Variants in MSN observed in about 807,000 individuals in gnomAD.
MSN encodes the protein moesin, also known as epididymis luminal protein 70.
Under a neutral mutation model 48.0 loss-of-function variants are expected in MSN, and 2 were observed. The ratio of observed to expected loss-of-function variants is 0.04; its 90% CI spans 0.02 to 0.13. MSN has a LOEUF of 0.13. MSN is among the 10% of genes least tolerant of loss of function. The pLI is 1.00. For synonymous variants in MSN, 146 were observed against 166.9 expected (o/e 0.87, Z 0.97); for missense variants, 267 against 470.1 (o/e 0.57, Z 3.99).
At chrX:65,681,380 G>A (rs762918350) in intron 1 of MSN, among the ~76,000 whole-genome samples, 1 of 112,081 alleles carries the variant, frequency 8.9e-6, no homozygotes, top group African/African-American at 3.2e-5. Context: ...CCAGGTGGAG[G>A]TGGTTAGGAA....
chrX:65,613,839 A>G (rs888021193), intron 1 of MSN, among the ~76,000 whole-genome samples: 1 of 111,783 alleles, frequency 8.9e-6, no homozygotes, highest in Non-Finnish European at 1.9e-5. Flanking sequence ...CACTCTGATG[A>G]TAGTTTCTTT....
chrX:65,726,586 AGT>A (rs1378075346), intron 2 of MSN, among the ~76,000 whole-genome samples: 1 of 110,493 alleles, frequency 9.1e-6, no homozygotes, highest in Non-Finnish European at 1.9e-5. Context: ...ATACAGTGTT[AGT>A]GTGTGTATGT....
intron 4 of MSN, 27 bp downstream of exon 4, chrX:65,729,739 C>T (rs1602863231): frequency 8.3e-7 from 1 of 1,198,085 alleles, no homozygotes; most frequent in Non-Finnish European, 1.1e-6. Context: ...CCCTCCTTTG[C>T]CTTGGCCATA....
chrX:65,642,455 A>G (rs945503249), intron 1 of MSN, among the ~76,000 whole-genome samples: 1 of 109,804 alleles, frequency 9.1e-6, no homozygotes, highest in Non-Finnish European at 1.9e-5. Context: ...AGAGTCCGCC[A>G]GGGTCCAGGT....
intron 11 of MSN, 118 bp downstream of exon 11, chrX:65,738,735 C>A: frequency 2.8e-6 from 2 of 710,119 alleles, no homozygotes; most frequent in Non-Finnish European, 2.1e-6. Context: ...CCACAGCAGG[C>A]AGCATGGGAG....
chrX:65,641,065 C>T (rs1349664983), intron 1 of MSN, among the ~76,000 whole-genome samples: 3 of 109,815 alleles, frequency 2.7e-5, no homozygotes, highest in Non-Finnish European at 5.7e-5. Context: ...GCCAAGGTCG[C>T]GCCATTGCAC....
chrX:65,635,559 A>G (rs748175017), intron 1 of MSN, among the ~76,000 whole-genome samples: 1 of 112,026 alleles, frequency 8.9e-6, no homozygotes, highest in African/African-American at 3.2e-5. Flanking sequence ...ATGCAGTCCC[A>G]GCCCTACACT....
intron 1 of MSN, among the ~76,000 whole-genome samples, chrX:65,713,979 T>G (rs1015591873): frequency 9.0e-6 from 1 of 111,602 alleles, no homozygotes; most frequent in African/African-American, 3.3e-5. Context: ...GGGGTTTCGC[T>G]ATATTGTCCA....
In MSN at chrX:65,646,148, T is replaced by G. The variant is rs1317835786; in HGVS notation, c.-22+57536T>G. 2.7e-5 allele frequency among the ~76,000 whole-genome samples: 3 copies of G among 112,046 alleles called. 1 individual carries two copies. The Admixed American group carries it at 2.9e-4, about 11-fold the overall frequency. On this transcript the variant is annotated intron_variant, in intron 1 of 3. Coordinates refer to the MSN transcript ENST00000609672. ...TCCATAACTGAAGCATGAGTATATC[T>G]TTTCCTTTTGTTCAATAAAAACTGG...
chrX:65,630,512 C>T (rs774864917), intron 1 of MSN, among the ~76,000 whole-genome samples: 14 of 111,332 alleles, frequency 1.3e-4, no homozygotes, highest in African/African-American at 4.6e-4. Context: ...TCTTTTGAGC[C>T]CAGGGGCTGG....
intron 1 of MSN, among the ~76,000 whole-genome samples, chrX:65,624,247 T>A (rs2070482598): frequency 9.2e-6 from 1 of 109,105 alleles, no homozygotes; most frequent in Non-Finnish European, 1.9e-5. Context: ...CCCGGCTAAT[T>A]TTGTATTTTT....
At chrX:65,628,532 C>T (rs151237381) in intron 1 of MSN, among the ~76,000 whole-genome samples, 14 of 111,280 alleles carry the variant, frequency 1.3e-4, no homozygotes, top group African/African-American at 3.9e-4. Flanking sequence ...GGCTGGCTCA[C>T]GAAACCACTT....
At chrX:65,609,713 C>A (rs1013197076) in intron 1 of MSN, among the ~76,000 whole-genome samples, 1 of 111,484 alleles carries the variant, frequency 9.0e-6, no homozygotes, top group Non-Finnish European at 1.9e-5. Flanking sequence ...GAAACCCCAT[C>A]TCTACTAAAA....
intron 1 of MSN, among the ~76,000 whole-genome samples, chrX:65,683,942 CTTTTTTT>C (rs370356986): frequency 7.5e-5 from 6 of 80,494 alleles, no homozygotes; most frequent in East Asian, 3.2e-4. Context: ...CTTTCTTTTT[CTTTTTTT>C]TTTTTTTTTG....
intron 2 of MSN, among the ~76,000 whole-genome samples, chrX:65,724,833 C>T (rs759390818): frequency 1.8e-5 from 2 of 110,429 alleles, no homozygotes; most frequent in East Asian, 2.8e-4. Context: ...ACTATAGGCA[C>T]GCACCACCAT....
chrX:65,617,329 C>G (rs918524847), intron 1 of MSN, among the ~76,000 whole-genome samples: 1 of 110,971 alleles, frequency 9.0e-6, no homozygotes, highest in African/African-American at 3.3e-5. Context: ...GTGAATCCAT[C>G]TGGTCCTGGA....
intron 1 of MSN, among the ~76,000 whole-genome samples, chrX:65,597,219 CTT>C (rs201889292): frequency 6.9e-5 from 7 of 100,833 alleles, no homozygotes; most frequent in Admixed American, 2.2e-4. Flanking sequence ...TTCTTTCTTT[CTT>C]TTTTTTTTTT....
At chrX:65,735,518 C>A in intron 8 of MSN, 88 bp downstream of exon 8, 1 of 996,034 alleles carries the variant, frequency 1.0e-6, no homozygotes. Context: ...GGACATGAGG[C>A]CAACCTAGGA....
Position 65,737,966 on chromosome X carries a change from T to C in MSN, c.1252-559T>C, listed in dbSNP as rs1174258244. On this transcript the variant is annotated intron_variant, in intron 10 of 12. Coordinates refer to ENST00000360270, the MANE Select transcript of MSN (RefSeq NM_002444.3). ...TTAAGAACCTGTGGTCCAAACTCCT[T>C]GACATATACTCTTCCTTTGTACTGT... Among the ~76,000 whole-genome samples, 7 of 112,397 alleles carry C rather than the reference T, an allele frequency of 6.2e-5. No individual in the cohort carries two copies. The Admixed American group carries it at 6.6e-4, about 11-fold the overall frequency.
Sources: allele counts gnomAD v4.1 joint callset (sites outside exome capture counted in the v4.1 genomes callset), GRCh38; gene constraint gnomAD v4.1.1; transcripts MANE v1.5; gene names NCBI Gene and HGNC (gene_info 2026-07-23, HGNC 2026-07-21).